The following CTBP2 variants were observed in gnomAD, a reference collection of about 807,000 sequenced individuals.
CTBP2 encodes C-terminal binding protein 2.
A neutral mutation model predicts 80.3 loss-of-function variants in CTBP2; 30 were observed. The ratio of observed to expected loss-of-function variants is 0.37; its 90% CI spans 0.28 to 0.51. CTBP2 has a LOEUF of 0.51. CTBP2 is among the 20% of genes least tolerant of loss of function. CTBP2 has a pLI of 0.93. For missense variants in CTBP2, 1,212 were observed against 1,375.3 expected (o/e 0.88, Z 1.88); for synonymous variants, 594 against 587.4 (o/e 1.01, Z -0.16).
chr10:125,106,377 G>A lies in CTBP2; in HGVS notation c.-102+4613C>T, dbSNP rs75033963. 3.3e-3 allele frequency among the ~76,000 whole-genome samples: 498 copies of A among 152,304 alleles called. 10 individuals are homozygous for A. In the East Asian group the frequency reaches 0.046, roughly 14 times the overall value. On this transcript the variant is annotated intron_variant, in intron 2 of 10. Coordinates refer to the CTBP2 transcript ENST00000337195. ...GGGAAGCCAGGCTCACTACCACAGT[G>A]TTTCCGGAAAGGCTTCCACCAGCAA...
intron 1 of CTBP2, among the ~76,000 whole-genome samples, chr10:125,010,832 G>A (rs1453428673): frequency 2.6e-5 from 4 of 152,138 alleles, no homozygotes; most frequent in African/African-American, 7.2e-5. Context: ...TGCCATCACC[G>A]TGTACATCCT....
intron 2 of CTBP2, among the ~76,000 whole-genome samples, chr10:125,077,182 C>A (rs181358930): frequency 1.3e-5 from 2 of 152,228 alleles, no homozygotes; most frequent in Non-Finnish European, 2.9e-5. Context: ...GGCACCGCTA[C>A]CACCAAAATG....
chr10:124,996,922 G>C (rs987868792), intron 4 of CTBP2: 1 of 152,240 alleles, frequency 6.6e-6, no homozygotes, highest in Non-Finnish European at 1.5e-5. Context: ...TCCAGGCGTC[G>C]GGCGAGGCCA....
chr10:125,079,631 A>T (rs560581511), intron 2 of CTBP2, among the ~76,000 whole-genome samples: 1 of 152,358 alleles, frequency 6.6e-6, no homozygotes, highest in South Asian at 2.1e-4. Context: ...CATGTCATTA[A>T]TTATTAATTC....
In CTBP2 at chr10:124,994,470, T is replaced by C. The variant is rs1953184602; in HGVS notation, c.2399A>G (p.Gln800Arg). The C allele has an allele frequency of 6.2e-7, 1 of 1,613,600 alleles. No individual in the cohort carries two copies. Among genetic ancestry groups the C allele is most frequent in the Non-Finnish European group, 8.5e-7 (1 of 1,179,610 alleles). The change falls in exon 5 of 9, where the codon CAG becomes CGG. Residue 800 changes from glutamine (Q) to arginine (R), a missense_variant and splice_region_variant. Physicochemically the swap from Gln to Arg is conservative, Grantham distance 43 (BLOSUM62 1). Around this residue, in one of 3 missense-constraint regions of CTBP2, gnomAD observed 335 missense variants for 504.7 expected, o/e 0.66. Transcript: ENST00000309035. ...CCATGGCATCTATTTTCAAATTACCTGCTTTATGGTAAAGTCATTGATGAG... is the reference window on the plus strand; with the variant it reads ...CCATGGCATCTATTTTCAAATTACCCGCTTTATGGTAAAGTCATTGATGAG...
chr10:124,995,146 T>C (rs1953298207), intron 4 of CTBP2, among the ~76,000 whole-genome samples: 1 of 152,208 alleles, frequency 6.6e-6, no homozygotes, highest in African/African-American at 2.4e-5. Flanking sequence ...ATTGCTGGGC[T>C]CGCTCCTGCA....
intron 3 of CTBP2, chr10:124,999,335 G>C (rs1954105649): frequency 6.6e-6 from 1 of 152,272 alleles, no homozygotes; most frequent in Non-Finnish European, 1.5e-5. Context: ...CCACCTTTAA[G>C]GCAGCCCAGG....
At chr10:124,998,421 A>G (rs1335553096) in intron 3 of CTBP2, 4 of 530,616 alleles carry the variant, frequency 7.5e-6, no homozygotes, top group Non-Finnish European at 1.4e-5. Context: ...CTCATGACCA[A>G]CCCAACTCCT....
chr10:125,057,183 A>T (rs897095861), intron 2 of CTBP2, among the ~76,000 whole-genome samples: 1 of 152,194 alleles, frequency 6.6e-6, no homozygotes, highest in Non-Finnish European at 1.5e-5. Flanking sequence ...ACCGATGAAA[A>T]CGACTTCAAC....
chr10:125,022,458 G>A (rs1230912100), intron 1 of CTBP2, among the ~76,000 whole-genome samples: 1 of 152,160 alleles, frequency 6.6e-6, no homozygotes, highest in African/African-American at 2.4e-5. Flanking sequence ...AGGAAGGATG[G>A]AAAGAAGGAA....
intron 2 of CTBP2, among the ~76,000 whole-genome samples, chr10:125,073,149 ATTTT>A (rs1212779890): frequency 5.3e-5 from 8 of 152,234 alleles, no homozygotes; most frequent in African/African-American, 1.9e-4. Context: ...ACTCTCTTAC[ATTTT>A]ACATCATCTT....
At chr10:125,147,431 C>CCT (rs1306212490) in intron 1 of CTBP2, among the ~76,000 whole-genome samples, 1 of 152,148 alleles carries the variant, frequency 6.6e-6, no homozygotes, top group Non-Finnish European at 1.5e-5. Context: ...TTGGAGTGAC[C>CCT]TAATACGTAG....
Position 125,070,462 on chromosome 10 carries a change from C to T in CTBP2, c.-101-31307G>A, listed in dbSNP as rs568120844. 5.8e-4 allele frequency among the ~76,000 whole-genome samples: 88 copies of T among 151,942 alleles called. 2 individuals are homozygous for T. In the South Asian group the frequency reaches 0.017, roughly 30 times the overall value. ...ATCCCAGAGCTTTGGGAGGCTGAGC[C>T]GGCAGGATAGCTTGAGTCCAGAAAC... On this transcript the variant is annotated intron_variant, in intron 2 of 10. Transcript: ENST00000337195.
At position 124,984,742 on chromosome 10, in the gene CTBP2, A is replaced by AT. The variant is rs1431125966; in HGVS notation, c.*4775dup. The AT allele has an allele frequency of 6.2e-7, 1 of 1,603,420 alleles. No individual in the cohort carries two copies. On this transcript the variant is annotated 3_prime_UTR_variant, in exon 9 of 9. Coordinates refer to ENST00000309035, the MANE Select transcript of CTBP2 (RefSeq NM_022802.3). ...TACCAAGTCTCTGATCTGTTGTATG[A>AT]TTTTCCCTTTGTCTTCATATTCCTC...
intron 1 of CTBP2, among the ~76,000 whole-genome samples, chr10:125,116,668 G>A (rs779253051): frequency 2.2e-4 from 33 of 152,118 alleles, no homozygotes; most frequent in East Asian, 5.8e-4. Context: ...GCACTGCCTC[G>A]GGGTATCAGT....
At chr10:125,142,913 G>C (rs1591056406) in intron 1 of CTBP2, among the ~76,000 whole-genome samples, 8 of 152,184 alleles carry the variant, frequency 5.3e-5, no homozygotes, top group Admixed American at 5.2e-4. Flanking sequence ...CCGTGGTTTA[G>C]TGGCCAGGAC....
chr10:124,984,341 A>G lies in CTBP2; in HGVS notation c.*5177T>C, dbSNP rs1212903376. ...ATTCTTATAAAAGTATTGGTCTTTT[A>G]TTTAATATACTAGTAATTATAAAAC... On this transcript the variant is annotated 3_prime_UTR_variant, in exon 9 of 9. Coordinates refer to ENST00000309035, the MANE Select transcript of CTBP2 (RefSeq NM_022802.3). 1 of 157,206 alleles carries G rather than the reference A, an allele frequency of 6.4e-6. No individual in the cohort carries two copies. Among genetic ancestry groups the G allele is most frequent in the Admixed American group, 6.4e-5 (1 of 15,732 alleles). The allele number at this position is 157,206 out of a possible 1,614,324, so 9.7% of individuals were successfully genotyped here.
chr10:125,063,937 C>G (rs887246374), intron 2 of CTBP2, among the ~76,000 whole-genome samples: 3 of 152,164 alleles, frequency 2.0e-5, no homozygotes, highest in African/African-American at 7.2e-5. Flanking sequence ...TGCAGTGCCA[C>G]CTTCCAGGGG....
chr10:124,989,215 A>G lies in CTBP2; in HGVS notation c.*303T>C. ...AGGGTGTTCAGGACCTGCTGTGCCC[A>G]AGGGACTGATAAAGGAAAAAGCTCT... is the stretch of plus-strand genomic sequence containing the variant. On this transcript the variant is annotated 3_prime_UTR_variant, in exon 9 of 9. Coordinates refer to ENST00000309035, the MANE Select transcript of CTBP2 (RefSeq NM_022802.3). 1 of 377,898 alleles carries G rather than the reference A, an allele frequency of 2.6e-6. No homozygotes were observed. The highest frequency in any genetic ancestry group is 2.2e-5 in the South Asian group (1 of 44,540). 23.4% of individuals were successfully genotyped at this position (377,898 alleles called of 1,614,324 possible).
Sources: gnomAD v4.1 joint callset for allele counts (sites outside exome capture counted in the v4.1 genomes callset) on GRCh38, gnomAD v4.1.1 for gene constraint, gnomAD v4.1.1 regional missense constraint, MANE v1.5 for transcripts, NCBI Gene and HGNC (gene_info 2026-07-23, HGNC 2026-07-21) for gene names.